The following GALNTL6 variants were observed in gnomAD, a reference collection of about 807,000 sequenced individuals.
The protein encoded by GALNTL6 is polypeptide N-acetylgalactosaminyltransferase like 6.
In GALNTL6, 46 loss-of-function variants were observed where a neutral mutation model predicts 73.7. That is an observed-to-expected ratio of 0.62 (90% CI 0.49 to 0.80). The LOEUF is 0.80. GALNTL6 is among the 30% of genes least tolerant of loss of function. The pLI is 0.00. For synonymous variants in GALNTL6, 259 were observed against 263.7 expected (o/e 0.98, Z 0.17); for missense variants, 604 against 755.0 (o/e 0.80, Z 2.34).
At chr4:172,487,507 C>T (rs1211720196) in intron 5 of GALNTL6, among the ~76,000 whole-genome samples, 1 of 151,858 alleles carries the variant, frequency 6.6e-6, no homozygotes, top group Non-Finnish European at 1.5e-5. Flanking sequence ...TTGCCTTAGC[C>T]TCTCGAGTAG....
chr4:172,094,722 G>A (rs187339901), intron 2 of GALNTL6, among the ~76,000 whole-genome samples: 77 of 151,886 alleles, frequency 5.1e-4, no homozygotes, highest in African/African-American at 1.7e-3. Context: ...GAGTTTTATT[G>A]CCACATTTTA....
chr4:172,192,864 G>A (rs1415224997), intron 2 of GALNTL6, among the ~76,000 whole-genome samples: 1 of 152,184 alleles, frequency 6.6e-6, no homozygotes, highest in Non-Finnish European at 1.5e-5. Context: ...TCCCTTGCTG[G>A]TGCCCAGGAT....
chr4:172,518,859 G>T (rs182844984), intron 5 of GALNTL6, among the ~76,000 whole-genome samples: 1 of 151,856 alleles, frequency 6.6e-6, no homozygotes. Flanking sequence ...CATTATCTTA[G>T]AAGTCAATTT....
chr4:172,093,447 T>G (rs1732263450), intron 2 of GALNTL6, among the ~76,000 whole-genome samples: 1 of 152,170 alleles, frequency 6.6e-6, no homozygotes, highest in African/African-American at 2.4e-5. Flanking sequence ...TCTCATACAC[T>G]CTGTATACAG....
intron 5 of GALNTL6, among the ~76,000 whole-genome samples, chr4:172,729,673 G>A (rs761995720): frequency 5.3e-5 from 8 of 152,012 alleles, no homozygotes; most frequent in African/African-American, 9.7e-5. Context: ...AGTATGAGGC[G>A]ACCAACTTTG....
chr4:172,262,928 A>G (rs1437598770), intron 3 of GALNTL6, among the ~76,000 whole-genome samples: 1 of 151,412 alleles, frequency 6.6e-6, no homozygotes, highest in Non-Finnish European at 1.5e-5. Context: ...TTTTTGTTTC[A>G]GGAGGCTAAA....
intron 2 of GALNTL6, among the ~76,000 whole-genome samples, chr4:172,104,896 T>C (rs1732634784): frequency 6.6e-6 from 1 of 152,120 alleles, no homozygotes; most frequent in Non-Finnish European, 1.5e-5. Flanking sequence ...TGTGAAACTG[T>C]TTCTGGGAAT....
chr4:172,574,462 T>G (rs1354412259), intron 5 of GALNTL6, among the ~76,000 whole-genome samples: 1 of 150,854 alleles, frequency 6.6e-6, no homozygotes, highest in Non-Finnish European at 1.5e-5. Context: ...AAAATAAAAA[T>G]TTTATTTTTA....
chr4:172,602,112 G>A (rs1738080162), intron 5 of GALNTL6, among the ~76,000 whole-genome samples: 1 of 151,936 alleles, frequency 6.6e-6, no homozygotes, highest in South Asian at 2.1e-4. Context: ...TATATCTAGT[G>A]AGAATATATT....
chr4:172,198,731 A>G (rs1435872025), intron 2 of GALNTL6, among the ~76,000 whole-genome samples: 1 of 152,194 alleles, frequency 6.6e-6, no homozygotes, highest in Non-Finnish European at 1.5e-5. Flanking sequence ...CCAAGACAAC[A>G]TATAATCCTT....
At chr4:172,185,204 A>C (rs1404501312) in intron 2 of GALNTL6, among the ~76,000 whole-genome samples, 1 of 152,220 alleles carries the variant, frequency 6.6e-6, no homozygotes, top group Non-Finnish European at 1.5e-5. Flanking sequence ...ATAAAATATC[A>C]GGCAAAAATT....
At chr4:171,984,172 C>A (rs1026303713) in intron 2 of GALNTL6, among the ~76,000 whole-genome samples, 2 of 152,148 alleles carry the variant, frequency 1.3e-5, no homozygotes, top group African/African-American at 4.8e-5. Flanking sequence ...GACTTCCCTG[C>A]CCTTGGCCAG....
chr4:171,943,789 A>G (rs1022131750), intron 2 of GALNTL6, among the ~76,000 whole-genome samples: 2 of 152,156 alleles, frequency 1.3e-5, no homozygotes, highest in East Asian at 1.9e-4. Context: ...GTTCAAATCC[A>G]TGGATATAAT....
At chr4:172,249,041 A>G (rs1737758959) in intron 3 of GALNTL6, among the ~76,000 whole-genome samples, 1 of 152,174 alleles carries the variant, frequency 6.6e-6, no homozygotes, top group Non-Finnish European at 1.5e-5. Context: ...GTGACTTTGG[A>G]ACTGGGTAAT....
intron 5 of GALNTL6, among the ~76,000 whole-genome samples, chr4:172,595,417 A>G (rs1028053431): frequency 4.6e-5 from 7 of 152,178 alleles, no homozygotes; most frequent in African/African-American, 1.4e-4. Context: ...ATAATGCTTT[A>G]TACTCAGGCA....
chr4:172,566,959 C>G (rs1217910024), intron 5 of GALNTL6, among the ~76,000 whole-genome samples: 1 of 151,514 alleles, frequency 6.6e-6, no homozygotes, highest in African/African-American at 2.4e-5. Context: ...GAAAAAGATT[C>G]ATTTTCAATA....
At position 173,022,925 on chromosome 4, in the gene GALNTL6, T is replaced by A. The variant is rs567609632; in HGVS notation, c.1638+1300T>A. Among the ~76,000 whole-genome samples the A allele has an allele frequency of 2.4e-4, 37 of 152,372 alleles. 2 individuals carry two copies. In the South Asian group the frequency reaches 7.2e-3, roughly 30 times the overall value. The stretch of plus-strand genomic sequence containing the variant: ...TTTGCTTTTGGGGATAGAACTTGGC[T>A]GTCAATTAGCAATTACTCCATAAGC... On this transcript the variant is annotated intron_variant, in intron 12 of 12. Coordinates refer to ENST00000506823, the MANE Select transcript of GALNTL6 (RefSeq NM_001034845.3).
At chr4:172,751,247 C>T (rs1737404439) in intron 5 of GALNTL6, among the ~76,000 whole-genome samples, 1 of 152,062 alleles carries the variant, frequency 6.6e-6, no homozygotes, top group Admixed American at 6.6e-5. Context: ...AGACTTTAGT[C>T]TTTTCAGTAT....
At chr4:172,981,555 T>C (rs545723521) in intron 10 of GALNTL6, among the ~76,000 whole-genome samples, 1 of 152,326 alleles carries the variant, frequency 6.6e-6, no homozygotes, top group Admixed American at 6.5e-5. Flanking sequence ...TATTGGTCTA[T>C]ATGTCTGTCT....
Sources: gnomAD v4.1 joint callset for allele counts (sites outside exome capture counted in the v4.1 genomes callset) on GRCh38, gnomAD v4.1.1 for gene constraint, MANE v1.5 for transcripts, NCBI Gene and HGNC (gene_info 2026-07-23, HGNC 2026-07-21) for gene names.